The following C12orf42 variants were observed in gnomAD, a reference collection of about 807,000 sequenced individuals.
C12orf42 encodes chromosome 12 open reading frame 42.
In C12orf42, 25 loss-of-function variants were observed where a neutral mutation model predicts 21.6. The ratio of observed to expected loss-of-function variants is 1.16; its 90% CI spans 0.84 to 1.62. C12orf42 has a LOEUF of 1.62. Among genes scored for constraint, C12orf42 ranks in the 40% most tolerant of loss-of-function variants. C12orf42 has a pLI of 0.00. For missense variants in C12orf42, 483 were observed against 459.3 expected (o/e 1.05, Z -0.47); for synonymous variants, 174 against 175.0 (o/e 0.99, Z 0.05).
the C12orf42 span, among the ~76,000 whole-genome samples, chr12:103,169,750 A>G: frequency 6.6e-6 from 1 of 150,650 alleles, no homozygotes; most frequent in Non-Finnish European, 1.5e-5. Flanking sequence ...ACATATAAAA[A>G]TTTGATATGC....
chr12:103,227,017 A>G, the C12orf42 span, among the ~76,000 whole-genome samples: 363 of 152,254 alleles, frequency 2.4e-3, 1 homozygote, highest in Non-Finnish European at 3.9e-3. Flanking sequence ...ACTACTGTCG[A>G]GTTTGTATTG....
At chr12:103,492,886 G>A (rs1358604055) in intron 1 of C12orf42, among the ~76,000 whole-genome samples, 1 of 152,190 alleles carries the variant, frequency 6.6e-6, no homozygotes, top group Admixed American at 6.5e-5. Context: ...TCTGCCAAGT[G>A]TGCTACCGTC....
At chr12:103,218,542 A>G in the C12orf42 span, among the ~76,000 whole-genome samples, 1 of 152,152 alleles carries the variant, frequency 6.6e-6, no homozygotes, top group Non-Finnish European at 1.5e-5. Flanking sequence ...ATTCTGGGAA[A>G]TGCTTCACTG....
At chr12:103,064,415 G>A in the C12orf42 span, among the ~76,000 whole-genome samples, 1 of 152,220 alleles carries the variant, frequency 6.6e-6, no homozygotes, top group Non-Finnish European at 1.5e-5. Context: ...CCTGACCTGT[G>A]TAGAGTTCTG....
chr12:103,506,610 C>G, the C12orf42 span, among the ~76,000 whole-genome samples: 27 of 150,626 alleles, frequency 1.8e-4, no homozygotes, highest in Non-Finnish European at 3.4e-4. Flanking sequence ...TAGGCTATAC[C>G]ATCTAGGTTT....
chr12:103,067,042 GTGCCCAAT>G, the C12orf42 span, among the ~76,000 whole-genome samples: 2 of 152,220 alleles, frequency 1.3e-5, no homozygotes, highest in East Asian at 3.9e-4. Flanking sequence ...CCACTGCTGA[GTGCCCAAT>G]TGCCAGCAGC....
At chr12:103,322,145 A>ACG (rs888355577) in intron 4 of C12orf42, among the ~76,000 whole-genome samples, 117 of 142,694 alleles carry the variant, frequency 8.2e-4, no homozygotes, top group South Asian at 5.5e-3. Flanking sequence ...ACACACACAC[A>ACG]CACACGCACA....
intron 3 of C12orf42, among the ~76,000 whole-genome samples, chr12:103,393,298 A>C (rs775245388): frequency 2.0e-5 from 3 of 152,168 alleles, no homozygotes; most frequent in Non-Finnish European, 4.4e-5. Context: ...AGCATCTCAC[A>C]TGATAGAAGT....
At chr12:103,233,472 G>A (rs1361727852), downstream of C12orf42, among the ~76,000 whole-genome samples, 1 of 152,038 alleles carries the variant, frequency 6.6e-6, no homozygotes, top group Non-Finnish European at 1.5e-5. Context: ...ATAACTCTCT[G>A]TTTATTTAGT....
the C12orf42 span, among the ~76,000 whole-genome samples, chr12:103,143,419 T>C: frequency 6.6e-6 from 1 of 152,310 alleles, no homozygotes; most frequent in Admixed American, 6.5e-5. Flanking sequence ...CTAGTCTTTG[T>C]CACTCTTTCC....
chr12:103,224,219 A>G, the C12orf42 span, among the ~76,000 whole-genome samples: 2 of 152,126 alleles, frequency 1.3e-5, no homozygotes, highest in Non-Finnish European at 2.9e-5. Flanking sequence ...GGTGGGGCAA[A>G]TCCTCGAGCT....
chr12:103,298,838 C>T (rs765272181), downstream of C12orf42, among the ~76,000 whole-genome samples: 9 of 152,172 alleles, frequency 5.9e-5, no homozygotes, highest in Non-Finnish European at 1.3e-4. Context: ...TCAAAACAAC[C>T]TTTCCTTCCC....
At chr12:103,185,739 G>T in the C12orf42 span, among the ~76,000 whole-genome samples, 1 of 152,084 alleles carries the variant, frequency 6.6e-6, no homozygotes. Context: ...TGATGGTTTC[G>T]TCAGGGGTTT....
the C12orf42 span, among the ~76,000 whole-genome samples, chr12:103,125,769 A>C: frequency 6.6e-6 from 1 of 152,180 alleles, no homozygotes; most frequent in East Asian, 1.9e-4. Context: ...TTAAAACCAC[A>C]TACATGATAC....
the C12orf42 span, among the ~76,000 whole-genome samples, chr12:103,206,544 AC>A: frequency 2.8e-3 from 424 of 151,982 alleles, 4 homozygotes; most frequent in African/African-American, 9.7e-3. Context: ...ACACACACAC[AC>A]ATGATTAAAA....
chr12:103,186,671 A>G, the C12orf42 span, among the ~76,000 whole-genome samples: 1 of 152,202 alleles, frequency 6.6e-6, no homozygotes. Context: ...TCATGAATTA[A>G]TGGATGTATG....
chr12:103,475,405 C>T (rs1376875335), intron 2 of C12orf42, among the ~76,000 whole-genome samples: 2 of 152,198 alleles, frequency 1.3e-5, no homozygotes, highest in Non-Finnish European at 2.9e-5. Context: ...AGAAATGGAA[C>T]TTCCAACCAA....
chr12:103,134,665 G>A, the C12orf42 span, among the ~76,000 whole-genome samples: 5 of 152,062 alleles, frequency 3.3e-5, no homozygotes, highest in Admixed American at 1.3e-4. Context: ...ATCCCAGAAG[G>A]TGAAGAGAAA....
the C12orf42 span, among the ~76,000 whole-genome samples, chr12:103,101,514 T>C: frequency 1.6e-4 from 24 of 152,316 alleles, no homozygotes; most frequent in East Asian, 4.1e-3. Context: ...AATTAAAAAC[T>C]ATACTCATGT....
Sources: gnomAD v4.1 joint callset for allele counts (sites outside exome capture counted in the v4.1 genomes callset) on GRCh38, gnomAD v4.1.1 for gene constraint, MANE v1.5 for transcripts, NCBI Gene and HGNC (gene_info 2026-07-23, HGNC 2026-07-21) for gene names.